Variants in HECW2 observed in about 807,000 individuals in gnomAD.
The protein encoded by HECW2 is HECT, C2 and WW domain containing E3 ubiquitin protein ligase 2.
In HECW2, 61 loss-of-function variants were observed where a neutral mutation model predicts 175.2. The ratio of observed to expected loss-of-function variants is 0.35; its 90% CI spans 0.28 to 0.43. The LOEUF (loss-of-function observed/expected upper bound fraction) is 0.43, where lower values mean the gene tolerates loss of function less well. Ranked by LOEUF, HECW2 falls within the 20% of genes least tolerant of loss-of-function variation. The pLI, the probability that HECW2 is intolerant of heterozygous loss-of-function variation, is 1.00. For synonymous variants in HECW2, 671 were observed against 731.0 expected (o/e 0.92, Z 1.32); for missense variants, 1,524 against 2,000.5 (o/e 0.76, Z 4.54).
rs558741453 is a variant in HECW2, at chr2:196,508,905, A to C, written c.-35-75447T>G. Reference sequence around the variant, plus strand: ...AACATGGTGAAACCCTGTCTCTACTAAAAATACAAAAAATTAGCCAGGCGT... The same window carrying C: ...AACATGGTGAAACCCTGTCTCTACTCAAAATACAAAAAATTAGCCAGGCGT... On this transcript the variant is annotated intron_variant, in intron 1 of 28. Transcript: ENST00000644978. Among the ~76,000 whole-genome samples, 12 of 152,242 alleles carry C rather than the reference A, an allele frequency of 7.9e-5. 1 individual carries two copies. Among genetic ancestry groups the C allele is most frequent in the African/African-American group, 2.6e-4 (11 of 41,556 alleles).
At chr2:196,467,310 T>C (rs1224797561) in intron 1 of HECW2, among the ~76,000 whole-genome samples, 1 of 152,202 alleles carries the variant, frequency 6.6e-6, no homozygotes, top group Non-Finnish European at 1.5e-5. Context: ...ACTACTGCTA[T>C]TCTTAGTATT....
At chr2:196,357,522 C>T (rs545334322) in intron 2 of HECW2, among the ~76,000 whole-genome samples, 1 of 152,306 alleles carries the variant, frequency 6.6e-6, no homozygotes, top group East Asian at 1.9e-4. Flanking sequence ...CTTTGTAGCT[C>T]AGTAAAACCC....
intron 1 of HECW2, among the ~76,000 whole-genome samples, chr2:196,532,353 T>C (rs972339887): frequency 6.6e-6 from 1 of 152,130 alleles, no homozygotes; most frequent in Non-Finnish European, 1.5e-5. Context: ...CTGGAAACCA[T>C]TATTCTCAGC....
intron 1 of HECW2, among the ~76,000 whole-genome samples, chr2:196,566,048 C>T (rs1460834400): frequency 5.9e-5 from 9 of 151,968 alleles, no homozygotes; most frequent in East Asian, 3.9e-4. Context: ...GAATTCTCAC[C>T]GCCGCATCAA....
intron 1 of HECW2, among the ~76,000 whole-genome samples, chr2:196,452,099 T>G (rs548705241): frequency 3.6e-4 from 55 of 152,288 alleles, no homozygotes; most frequent in African/African-American, 1.3e-3. Flanking sequence ...TCAGTAATGG[T>G]ACAACACTGT....
At chr2:196,350,590 G>A (rs1323168900) in intron 2 of HECW2, among the ~76,000 whole-genome samples, 2 of 152,182 alleles carry the variant, frequency 1.3e-5, no homozygotes, top group Non-Finnish European at 2.9e-5. Context: ...ATATGTCTTT[G>A]ACCATTGTCC....
At chr2:196,318,186 G>T (rs1209581781) in intron 9 of HECW2, among the ~76,000 whole-genome samples, 1 of 152,148 alleles carries the variant, frequency 6.6e-6, no homozygotes, top group African/African-American at 2.4e-5. Context: ...TGTTTAACAG[G>T]CCTGTTACTT....
intron 2 of HECW2, among the ~76,000 whole-genome samples, chr2:196,430,243 C>T (rs1183605914): frequency 6.6e-6 from 1 of 152,092 alleles, no homozygotes; most frequent in African/African-American, 2.4e-5. Context: ...CAGATCCAGT[C>T]TAACAAAGTG....
chr2:196,504,127 C>A (rs1242619090), intron 1 of HECW2, among the ~76,000 whole-genome samples: 2 of 152,032 alleles, frequency 1.3e-5, no homozygotes, highest in Non-Finnish European at 2.9e-5. Flanking sequence ...GTAACCTCAT[C>A]ACCACTAAAA....
At chr2:196,386,237 A>C (rs1463004807) in intron 2 of HECW2, among the ~76,000 whole-genome samples, 1 of 152,226 alleles carries the variant, frequency 6.6e-6, no homozygotes, top group Non-Finnish European at 1.5e-5. Flanking sequence ...GAACATATTA[A>C]GGTAAATCAT....
At chr2:196,303,572 C>T (rs59148450) in intron 13 of HECW2, among the ~76,000 whole-genome samples, 7,884 of 152,126 alleles carry the variant, frequency 0.052, 657 homozygotes, top group African/African-American at 0.18. Context: ...TTTATTGCTG[C>T]CTCAATTTCA....
At chr2:196,317,145 A>C (rs529775145) in intron 10 of HECW2, 129 bp downstream of exon 10, 1 of 698,764 alleles carries the variant, frequency 1.4e-6, no homozygotes, top group East Asian at 2.7e-5. Flanking sequence ...CTGCTATGTC[A>C]AGTGGCAACC....
At chr2:196,555,406 T>C (rs1251074920) in intron 1 of HECW2, among the ~76,000 whole-genome samples, 1 of 152,184 alleles carries the variant, frequency 6.6e-6, no homozygotes, top group Non-Finnish European at 1.5e-5. Flanking sequence ...TCCATTGTCA[T>C]GACCTAATCA....
intron 2 of HECW2, among the ~76,000 whole-genome samples, chr2:196,384,604 T>A (rs1575486444): frequency 1.3e-5 from 2 of 152,072 alleles, no homozygotes; most frequent in South Asian, 4.2e-4. Context: ...GTTTTAATCA[T>A]AAGGTGGCAA....
chr2:196,308,445 A>C (rs183175633), intron 10 of HECW2, among the ~76,000 whole-genome samples: 168 of 152,286 alleles, frequency 1.1e-3, no homozygotes, highest in Non-Finnish European at 1.9e-3. Context: ...ATTGATGTTT[A>C]TTTTCACCAA....
chr2:196,256,525 C>G (rs1689063485), intron 18 of HECW2, among the ~76,000 whole-genome samples: 4 of 152,150 alleles, frequency 2.6e-5, no homozygotes, highest in Admixed American at 2.6e-4. Flanking sequence ...TATTATTTAA[C>G]TATGGATAGG....
chr2:196,549,594 CTT>C (rs200999438), intron 1 of HECW2, among the ~76,000 whole-genome samples: 86 of 144,620 alleles, frequency 5.9e-4, no homozygotes, highest in Non-Finnish European at 7.2e-4. Flanking sequence ...CAGTCTTGCT[CTT>C]TTTTTTTTTT....
At chr2:196,303,360 G>A (rs1043908220) in intron 13 of HECW2, among the ~76,000 whole-genome samples, 16 of 152,170 alleles carry the variant, frequency 1.1e-4, no homozygotes, top group African/African-American at 3.9e-4. Flanking sequence ...ATATTGGCCT[G>A]AAGTTTTCTT....
At chr2:196,519,604 C>T (rs1041944637) in intron 1 of HECW2, among the ~76,000 whole-genome samples, 1 of 152,084 alleles carries the variant, frequency 6.6e-6, no homozygotes, top group Non-Finnish European at 1.5e-5. Flanking sequence ...CCCCTGAAGG[C>T]AAAAAGGTAA....
Sources: allele counts gnomAD v4.1 joint callset (sites outside exome capture counted in the v4.1 genomes callset), GRCh38; gene constraint gnomAD v4.1.1; transcripts MANE v1.5; gene names NCBI Gene and HGNC (gene_info 2026-07-23, HGNC 2026-07-21).